CCBE1: variants seen among roughly 807,000 people sequenced by gnomAD.
CCBE1 encodes the protein collagen and calcium-binding EGF domain-containing protein 1.
CCBE1 carries 37 observed loss-of-function variants against 50.0 expected under a neutral mutation model. The ratio of observed to expected loss-of-function variants is 0.74; its 90% CI spans 0.57 to 0.97. CCBE1 has a LOEUF of 0.97. Ranked by LOEUF, CCBE1 falls within the 50% of genes least tolerant of loss-of-function variation. The pLI is 0.00. For synonymous variants in CCBE1, 234 were observed against 203.7 expected (o/e 1.15, Z -1.27); for missense variants, 538 against 523.8 (o/e 1.03, Z -0.26).
intron 2 of CCBE1, among the ~76,000 whole-genome samples, chr18:59,628,246 C>T (rs1156763620): frequency 6.6e-6 from 1 of 152,112 alleles, no homozygotes; most frequent in Admixed American, 6.5e-5. Context: ...AGACTTCCAT[C>T]TTTTTGGATA....
intron 2 of CCBE1, among the ~76,000 whole-genome samples, chr18:59,545,501 A>G (rs721063): frequency 0.22 from 34,061 of 152,170 alleles, 4,047 homozygotes; most frequent in Non-Finnish European, 0.25. Flanking sequence ...GATTTAACTC[A>G]TCTTATTATG....
chr18:59,487,009 C>T (rs1912854852), intron 2 of CCBE1, among the ~76,000 whole-genome samples: 1 of 151,238 alleles, frequency 6.6e-6, no homozygotes, highest in African/African-American at 2.4e-5. Context: ...AACCTGGCCT[C>T]TAGTAGATAA....
intron 2 of CCBE1, among the ~76,000 whole-genome samples, chr18:59,518,070 AAGG>A (rs10605168): frequency 0.28 from 43,183 of 151,924 alleles, 7,820 homozygotes; most frequent in African/African-American, 0.51. Flanking sequence ...CCTGAGAAAG[AAGG>A]AGATGATACA....
At chr18:59,668,731 A>T (rs1403393970) in intron 2 of CCBE1, among the ~76,000 whole-genome samples, 1 of 151,774 alleles carries the variant, frequency 6.6e-6, no homozygotes, top group Non-Finnish European at 1.5e-5. Flanking sequence ...TCACATGGCT[A>T]AGGCTGCCTC....
chr18:59,627,562 TAGA>T (rs904261952), intron 2 of CCBE1, among the ~76,000 whole-genome samples: 18 of 152,170 alleles, frequency 1.2e-4, no homozygotes, highest in African/African-American at 4.3e-4. Flanking sequence ...CACACTGGCT[TAGA>T]GCGGGACCTA....
intron 2 of CCBE1, among the ~76,000 whole-genome samples, chr18:59,559,061 CCT>C (rs1450966146): frequency 6.6e-6 from 1 of 152,150 alleles, no homozygotes; most frequent in Non-Finnish European, 1.5e-5. Flanking sequence ...GTCTTCAGTC[CCT>C]GAGGGCTCCT....
chr18:59,446,539 T>C (rs1370305304), intron 7 of CCBE1, among the ~76,000 whole-genome samples: 1 of 152,242 alleles, frequency 6.6e-6, no homozygotes, highest in Non-Finnish European at 1.5e-5. Context: ...TCTTATTCTC[T>C]GGATGGACGG....
At chr18:59,635,790 A>G (rs963208833) in intron 2 of CCBE1, among the ~76,000 whole-genome samples, 3 of 152,216 alleles carry the variant, frequency 2.0e-5, no homozygotes, top group African/African-American at 7.2e-5. Context: ...AGCTGCATAG[A>G]AAAAGCACAA....
intron 2 of CCBE1, among the ~76,000 whole-genome samples, chr18:59,606,755 G>A (rs931877227): frequency 6.6e-6 from 1 of 152,184 alleles, no homozygotes; most frequent in African/African-American, 2.4e-5. Flanking sequence ...GAGCATGAGT[G>A]CCTTGGTTAA....
intron 2 of CCBE1, among the ~76,000 whole-genome samples, chr18:59,538,552 T>C (rs1163427592): frequency 1.3e-5 from 2 of 152,164 alleles, no homozygotes; most frequent in African/African-American, 4.8e-5. Flanking sequence ...CATTGAAATA[T>C]ATGTATTTCA....
chr18:59,455,165 A>G, intron 5 of CCBE1: 1 of 648,058 alleles, frequency 1.5e-6, no homozygotes, highest in Middle Eastern at 3.8e-4. Flanking sequence ...CCCTGCTAGA[A>G]GCTGGGCTCA....
At chr18:59,685,862 A>G (rs1599136564) in intron 2 of CCBE1, 1 of 152,258 alleles carries the variant, frequency 6.6e-6, no homozygotes, top group Admixed American at 6.5e-5. Flanking sequence ...GGAAGCACCT[A>G]GTGACCTTGT....
intron 2 of CCBE1, among the ~76,000 whole-genome samples, chr18:59,588,754 A>C (rs1000521187): frequency 1.3e-5 from 2 of 152,000 alleles, no homozygotes; most frequent in Non-Finnish European, 2.9e-5. Flanking sequence ...CTCAGAACCA[A>C]CCTCCAGCAG....
upstream of CCBE1, chr18:59,697,456 G>C: frequency 7.1e-7 from 1 of 1,401,152 alleles, no homozygotes; most frequent in Non-Finnish European, 9.5e-7. Context: ...GGAGAGCAGG[G>C]GCGTTTGCAC....
intron 2 of CCBE1, among the ~76,000 whole-genome samples, chr18:59,567,816 C>T (rs560669451): frequency 1.3e-5 from 2 of 152,312 alleles, no homozygotes; most frequent in African/African-American, 4.8e-5. Context: ...AAAGTCATTG[C>T]CAACAGTGTG....
At chr18:59,591,412 A>G (rs1368987368) in intron 2 of CCBE1, among the ~76,000 whole-genome samples, 1 of 152,182 alleles carries the variant, frequency 6.6e-6, no homozygotes. Context: ...AAAAACTGGG[A>G]GAAAATATTT....
chr18:59,551,222 C>T (rs1435157346), intron 2 of CCBE1, among the ~76,000 whole-genome samples: 1 of 152,006 alleles, frequency 6.6e-6, no homozygotes, highest in Non-Finnish European at 1.5e-5. Flanking sequence ...GGCTACAAAC[C>T]TGTACAACAC....
chr18:59,610,688 A>AC (rs1329751208), intron 2 of CCBE1, among the ~76,000 whole-genome samples: 1 of 152,228 alleles, frequency 6.6e-6, no homozygotes, highest in African/African-American at 2.4e-5. Context: ...GCCTGCAGCT[A>AC]CTTCCTAAGT....
At chr18:59,549,629 G>A (rs1352106956) in intron 2 of CCBE1, among the ~76,000 whole-genome samples, 3 of 152,168 alleles carry the variant, frequency 2.0e-5, no homozygotes, top group Non-Finnish European at 4.4e-5. Flanking sequence ...TGTCAGGAGG[G>A]AGATGCCAGA....
Sources: gnomAD v4.1 joint callset for allele counts (sites outside exome capture counted in the v4.1 genomes callset) on GRCh38, gnomAD v4.1.1 for gene constraint, MANE v1.5 for transcripts, NCBI Gene and HGNC (gene_info 2026-07-23, HGNC 2026-07-21) for gene names.